Variants in IGSF9 observed in about 807,000 individuals in gnomAD.
IGSF9 encodes immunoglobulin superfamily member 9.
Under a neutral mutation model 121.7 loss-of-function variants are expected in IGSF9, and 87 were observed. The observed-to-expected ratio is 0.71, with a 90% confidence interval of 0.60 to 0.85. The LOEUF is 0.85. Ranked by LOEUF, IGSF9 falls within the 40% of genes least tolerant of loss-of-function variation. The probability of loss-of-function intolerance (pLI) is 0.00; values close to 1 mark genes in which losing one functional copy is unlikely to be tolerated. For synonymous variants in IGSF9, 640 were observed against 648.4 expected (o/e 0.99, Z 0.20); for missense variants, 1,462 against 1,565.3 (o/e 0.93, Z 1.11).
At position 159,938,921 on chromosome 1, in the gene IGSF9, AC is replaced by A. The variant is rs550255988; in HGVS notation, c.248-1084del. On this transcript the variant is annotated intron_variant, in intron 3 of 20. Coordinates refer to ENST00000368094, the MANE Select transcript of IGSF9 (RefSeq NM_001135050.2). ...ATCAGAAAGCTGCACTCAAGTCCTGACCCTGTCCCTAAACTGATCACACGTC... is the reference window on the plus strand; with the variant it reads ...ATCAGAAAGCTGCACTCAAGTCCTGACCTGTCCCTAAACTGATCACACGTC... Among the ~76,000 whole-genome samples the A allele has an allele frequency of 5.8e-3, 883 of 152,216 alleles. 2 individuals are homozygous for A. The highest frequency in any genetic ancestry group is 8.4e-3 in the Non-Finnish European group (574 of 68,004).
chr1:159,928,801 G>C lies in IGSF9; in HGVS notation c.2587C>G (p.Gln863Glu). Residue 863 changes from glutamine to glutamate, a missense_variant, in exon 19 of 21, where the codon CAG becomes GAG. Physicochemically the swap from Gln to Glu is conservative, Grantham distance 29. Coordinates refer to ENST00000368094, the MANE Select transcript of IGSF9 (RefSeq NM_001135050.2). ...FVMGPTVAAPQERSGREQAEP... is the reference protein window; with the variant it reads ...FVMGPTVAAPEERSGREQAEP... ...GCCTGCTCCCGGCCTGACCTTTCCT[G>C]GGGGGCCGCCACAGTGGGCCCCATC... 2 of 1,493,306 alleles carry C rather than the reference G, an allele frequency of 1.3e-6. No homozygotes were observed. The highest frequency in any genetic ancestry group is 1.4e-5 in the African/African-American group (1 of 70,902). 92.5% of individuals were successfully genotyped at this position (1,493,306 alleles called of 1,614,324 possible).
At chr1:159,943,986 A>G (rs1651500606) in intron 1 of IGSF9, among the ~76,000 whole-genome samples, 2 of 152,054 alleles carry the variant, frequency 1.3e-5, no homozygotes, top group Non-Finnish European at 2.9e-5. Flanking sequence ...AATATTTTTG[A>G]AGGAAGTATG....
intron 3 of IGSF9, among the ~76,000 whole-genome samples, chr1:159,939,894 C>T (rs1651320552): frequency 6.6e-6 from 1 of 152,172 alleles, no homozygotes; most frequent in Non-Finnish European, 1.5e-5. Flanking sequence ...TACCCTTCCA[C>T]CCACTGTCAG....
At position 159,943,166 on chromosome 1, in the gene IGSF9, G is replaced by A; in HGVS notation, c.59-15C>T. The stretch of plus-strand genomic sequence containing the variant: ...CTTCCCTCGACCTGCATGATGGGTG[G>A]CATGAGGGCACAACGGGGGGCTAGG... On this transcript the variant is annotated splice_polypyrimidine_tract_variant and intron_variant, in intron 2 of 20. Coordinates refer to ENST00000368094, the MANE Select transcript of IGSF9 (RefSeq NM_001135050.2). The A allele has an allele frequency of 1.3e-6, 2 of 1,577,886 alleles. No individual in the cohort carries two copies. The highest frequency in any genetic ancestry group is 2.3e-5 in the East Asian group (1 of 43,692).
intron 3 of IGSF9, among the ~76,000 whole-genome samples, chr1:159,940,279 A>G (rs781083690): frequency 3.3e-5 from 5 of 152,216 alleles, no homozygotes; most frequent in Non-Finnish European, 5.9e-5. Context: ...CTGGTAGCCA[A>G]TGGGTAACAG....
chr1:159,931,461 T>C lies in IGSF9; in HGVS notation c.1505A>G (p.Tyr502Cys), dbSNP rs370016099. The change falls in exon 12 of 21, where the codon TAC becomes TGC. Residue 502 changes from tyrosine (Y) to cysteine (C), a missense_variant. Physicochemically the swap from Tyr to Cys is radical, Grantham distance 194. Around this residue, in one of 3 missense-constraint regions of IGSF9, gnomAD observed 96 missense variants for 150.7 expected, o/e 0.64. Transcript: ENST00000368094. The surrounding 1 kb of genome is among the most constrained non-coding windows in gnomAD (Gnocchi z 4.8). ...TCTCTCCAGCCACTAACCCAGCACGTAGACGTTCGTGGAGGTGGCCACTCG... is the reference window on the plus strand; with the variant it reads ...TCTCTCCAGCCACTAACCCAGCACGCAGACGTTCGTGGAGGTGGCCACTCG... ...VARVATSTNV[Y>C]VLGTSPHVVT... is the part of the protein sequence containing the mutation. 1.2e-6 allele frequency: 2 copies of C among 1,613,502 alleles called. No homozygotes were observed. The highest frequency in any genetic ancestry group is 1.3e-5 in the African/African-American group (1 of 74,904).
intron 1 of IGSF9, among the ~76,000 whole-genome samples, 162 bp downstream of exon 1, chr1:159,945,409 CCA>C (rs1651547837): frequency 6.6e-6 from 1 of 152,020 alleles, no homozygotes; most frequent in Non-Finnish European, 1.5e-5. Context: ...CCGGGAACTC[CCA>C]CCCACCCGCC....
At chr1:159,940,995 A>C (rs2101882965) in intron 3 of IGSF9, among the ~76,000 whole-genome samples, 1 of 152,342 alleles carries the variant, frequency 6.6e-6, no homozygotes. Flanking sequence ...GTGCAGGCAC[A>C]GGCTGGGGCG....
intron 19 of IGSF9, 36 bp from the exon 20 acceptor site, chr1:159,927,923 G>T (rs772861161): frequency 6.9e-6 from 11 of 1,602,282 alleles, no homozygotes; most frequent in Middle Eastern, 1.7e-4. Context: ...CATATGGTGT[G>T]GGTGGAGGAA....
intron 4 of IGSF9, 111 bp from the exon 5 acceptor site, chr1:159,937,019 C>A: frequency 9.0e-7 from 1 of 1,112,722 alleles, no homozygotes; most frequent in Non-Finnish European, 1.3e-6. Context: ...ACCCACCAGC[C>A]CTGCCTCATA....
At position 159,929,785 on chromosome 1, in the gene IGSF9, G is replaced by C; in HGVS notation, c.2179C>G (p.Leu727Val). The change falls in exon 17 of 21, where the codon CTG (leucine) becomes GTG (valine). Residue 727 changes from leucine (L) to valine (V), a missense_variant. Physicochemically the swap from Leu to Val is conservative, Grantham distance 32. Coordinates refer to ENST00000368094, the MANE Select transcript of IGSF9 (RefSeq NM_001135050.2). ...ACGGGCTGAGGCAGGAGGCCCGGCA[G>C]CTGCGTGCGCGAAGGGTAGACCTCC... ...GLEVYPSRTQ[L>V]PGLLPQPVLA... 6.2e-7 allele frequency: 1 copy of C among 1,606,166 alleles called. No individual in the cohort carries two copies. Among genetic ancestry groups the C allele is most frequent in the Non-Finnish European group, 8.5e-7 (1 of 1,177,048 alleles).
At position 159,930,279 on chromosome 1, in the gene IGSF9, C is replaced by T; in HGVS notation, c.1974G>A (p.Leu658=). 6.2e-7 allele frequency: 1 copy of T among 1,613,880 alleles called. No homozygotes were observed. The highest frequency in any genetic ancestry group is 8.5e-7 in the Non-Finnish European group (1 of 1,179,918). Residue 658 remains leucine (L), a synonymous_variant, in exon 15 of 21, where the codon TTG becomes TTA. Transcript: ENST00000368094. Reference sequence around the variant, plus strand: ...AGCCCTGGGAGCCTTGCCGGCCTTCCAAGACGTAGCCATCCAGTCTCTTAG... The same window carrying T: ...AGCCCTGGGAGCCTTGCCGGCCTTCTAAGACGTAGCCATCCAGTCTCTTAG... The part of the protein sequence containing the change: ...LVPKRLDGYV[L]EGRQGSQGWE...
chr1:159,942,593 G>A (rs187602702), intron 3 of IGSF9, among the ~76,000 whole-genome samples: 2 of 152,194 alleles, frequency 1.3e-5, no homozygotes, highest in Admixed American at 6.5e-5. Context: ...CAAGAGGGGA[G>A]ACTACAGATC....
At chr1:159,937,535 G>T in intron 4 of IGSF9, 151 bp downstream of exon 4, 1 of 769,432 alleles carries the variant, frequency 1.3e-6, no homozygotes, top group Non-Finnish European at 2.1e-6. Flanking sequence ...CAACTACTAA[G>T]TGAGCAAACA....
chr1:159,940,744 G>A (rs1651347501), intron 3 of IGSF9, among the ~76,000 whole-genome samples: 1 of 152,158 alleles, frequency 6.6e-6, no homozygotes, highest in African/African-American at 2.4e-5. Context: ...GAGCAAGCAG[G>A]GGAGTTCTAA....
rs1442809811 is a variant in IGSF9 at position 159,930,843 on chromosome 1, G to C, written c.1662C>G (p.His554Gln). ...GCACTGCCAAGGACACCCAGTCATG[G>C]TGCATTCGGTCAGGACGCTTGGCCC... ...TPLAKRPDRM[H>Q]HDWVSLAVPV... is the part of the protein sequence containing the mutation. Residue 554 changes from histidine to glutamine, a missense_variant, in exon 14 of 21, where the codon CAC (histidine) becomes CAG (glutamine). Coordinates refer to ENST00000368094, the MANE Select transcript of IGSF9 (RefSeq NM_001135050.2). 1 of 1,611,298 alleles carries C rather than the reference G, an allele frequency of 6.2e-7. No individual in the cohort carries two copies. The highest frequency in any genetic ancestry group is 8.5e-7 in the Non-Finnish European group (1 of 1,178,738).
Position 159,931,777 on chromosome 1 carries a change from C to T in IGSF9, c.1362+35G>A, listed in dbSNP as rs368853903. 2.2e-5 allele frequency: 33 copies of T among 1,483,552 alleles called. No homozygotes were observed. Among genetic ancestry groups the T allele is most frequent in the South Asian group, 6.3e-5 (5 of 79,940 alleles). The allele number at this position is 1,483,552 out of a possible 1,614,324, so 91.9% of individuals were successfully genotyped here. A position where few individuals can be genotyped will look rare whatever the true frequency, so the allele number is the denominator to read the frequency against. On this transcript the variant is annotated intron_variant, in intron 11 of 20. Coordinates refer to ENST00000368094, the MANE Select transcript of IGSF9 (RefSeq NM_001135050.2). This position sits in a 1 kb window ranked among gnomAD's most constrained non-coding sequence, Gnocchi z 4.8. Reference sequence around the variant, plus strand: ...GCACGAGAGGCAGGGGTGTAGTGGGCGTGGGTACAGGCAGAGCGGGCTCAG... The same window carrying T: ...GCACGAGAGGCAGGGGTGTAGTGGGTGTGGGTACAGGCAGAGCGGGCTCAG...
chr1:159,927,524 C>CACCT lies in IGSF9; in HGVS notation c.3359-2_3360dup (p.Val1121ArgfsTer20), dbSNP rs750287574. The CACCT allele has an allele frequency of 6.2e-7, 1 of 1,611,116 alleles. No homozygotes were observed. On this transcript the variant is annotated frameshift_variant and splice_region_variant, in exon 21 of 21. Coordinates refer to ENST00000368094, the MANE Select transcript of IGSF9 (RefSeq NM_001135050.2). LOFTEE classifies it high-confidence loss of function. ...AGGCAGCCCTCCTCTGGAGTCTTCA[C>CACCT]ACCTGCAAGAGGCGGGCAGGACAAT... is the stretch of plus-strand genomic sequence containing the variant.
rs756775650 is a variant in IGSF9 at position 159,928,848 on chromosome 1, C to T, written c.2540G>A (p.Arg847Gln). The part of the protein sequence containing the change: ...RGPLPLEPIC[R>Q]GPDGRFVMGP... ...CATCACAAAGCGCCCGTCTGGGCCC[C>T]GGCAAATGGGCTCCAGAGGTAAGGG... Residue 847 changes from arginine to glutamine, a missense_variant, in exon 19 of 21, where the codon CGG becomes CAG. Coordinates refer to ENST00000368094, the MANE Select transcript of IGSF9 (RefSeq NM_001135050.2). 6.4e-6 allele frequency: 10 copies of T among 1,566,366 alleles called. No homozygotes were observed. The highest frequency in any genetic ancestry group is 2.4e-5 in the South Asian group (2 of 84,190).
Sources: gnomAD v4.1 joint callset for allele counts (sites outside exome capture counted in the v4.1 genomes callset) on GRCh38, gnomAD v4.1.1 for gene constraint, gnomAD v4.1.1 regional missense constraint, Gnocchi (gnomAD v3.1) non-coding constraint, MANE v1.5 for transcripts, NCBI Gene and HGNC (gene_info 2026-07-23, HGNC 2026-07-21) for gene names.